Variants in CORIN observed in about 807,000 individuals in gnomAD.
CORIN encodes the protein corin, serine peptidase.
A neutral mutation model predicts 125.3 loss-of-function variants in CORIN; 117 were observed. The observed-to-expected ratio is 0.93, with a 90% CI of 0.80 to 1.09. The LOEUF is 1.09. Ranked by LOEUF, CORIN falls within the 50% of genes least tolerant of loss-of-function variation. The pLI is 0.00. For missense variants in CORIN, 1,253 were observed against 1,306.7 expected (o/e 0.96, Z 0.63); for synonymous variants, 450 against 466.4 (o/e 0.96, Z 0.45).
intron 15 of CORIN, among the ~76,000 whole-genome samples, chr4:47,642,429 G>GC (rs745867783): frequency 1.3e-5 from 2 of 152,212 alleles, no homozygotes; most frequent in Non-Finnish European, 1.5e-5. Flanking sequence ...ATACGAGAAC[G>GC]CAAGTGCGTG....
intron 3 of CORIN, among the ~76,000 whole-genome samples, chr4:47,765,267 C>T (rs1293235601): frequency 6.6e-6 from 1 of 151,258 alleles, no homozygotes; most frequent in Non-Finnish European, 1.5e-5. Flanking sequence ...GCTGAGATCG[C>T]GCCACTGCAC....
chr4:47,684,087 C>T (rs988567602), intron 6 of CORIN, among the ~76,000 whole-genome samples: 2 of 152,174 alleles, frequency 1.3e-5, no homozygotes, highest in Non-Finnish European at 2.9e-5. Flanking sequence ...TTTTATGTCA[C>T]CTGAACGATC....
At chr4:47,724,832 C>T (rs1727514123) in intron 5 of CORIN, among the ~76,000 whole-genome samples, 1 of 152,158 alleles carries the variant, frequency 6.6e-6, no homozygotes, top group Non-Finnish European at 1.5e-5. Context: ...TGAGGATATT[C>T]TACCTTTCTT....
intron 6 of CORIN, among the ~76,000 whole-genome samples, chr4:47,684,946 T>A (rs1725447000): frequency 6.6e-6 from 1 of 151,914 alleles, no homozygotes; most frequent in African/African-American, 2.4e-5. Flanking sequence ...AAAAATAAGC[T>A]AAGGCAAATT....
chr4:47,606,726 TC>T (rs1421612717), intron 19 of CORIN, among the ~76,000 whole-genome samples: 1 of 151,962 alleles, frequency 6.6e-6, no homozygotes, highest in Non-Finnish European at 1.5e-5. Flanking sequence ...TTTCCTTTTT[TC>T]CTTCTTTTCC....
intron 3 of CORIN, among the ~76,000 whole-genome samples, chr4:47,772,509 G>C (rs931421830): frequency 8.5e-5 from 13 of 152,158 alleles, no homozygotes; most frequent in Admixed American, 5.9e-4. Context: ...AGTTATGAAT[G>C]AATGATAACA....
chr4:47,766,408 C>G lies in CORIN; in HGVS notation c.410-2822G>C, dbSNP rs546712988. Among the ~76,000 whole-genome samples, 11 of 152,172 alleles carry G rather than the reference C, an allele frequency of 7.2e-5. No individual in the cohort carries two copies. The South Asian group carries it at 2.3e-3, about 32-fold the overall frequency. The stretch of plus-strand genomic sequence containing the variant: ...AGTAAAGAGGACAAAGACACACACT[C>G]TTACTATTTCTTAAGAACAGTTTCA... On this transcript the variant is annotated intron_variant, in intron 3 of 21. Coordinates refer to ENST00000273857, the MANE Select transcript of CORIN (RefSeq NM_006587.4).
chr4:47,600,613 G>A (rs1357825089), intron 20 of CORIN, among the ~76,000 whole-genome samples: 3 of 152,076 alleles, frequency 2.0e-5, no homozygotes, highest in African/African-American at 7.2e-5. Flanking sequence ...TAAGTAAGTT[G>A]GTTCATCCTT....
chr4:47,766,487 G>A (rs1368876899), intron 3 of CORIN, among the ~76,000 whole-genome samples: 1 of 152,066 alleles, frequency 6.6e-6, no homozygotes, highest in African/African-American at 2.4e-5. Flanking sequence ...TCGTCACATG[G>A]CCACATCTAG....
intron 5 of CORIN, chr4:47,706,606 G>A (rs1577847436): frequency 1.2e-6 from 2 of 1,603,462 alleles, no homozygotes; most frequent in East Asian, 4.5e-5. Context: ...TCCTAAGGGT[G>A]CAACTTACGG....
In CORIN at chr4:47,717,395, T is replaced by TTCTCAG. The variant is rs541675133; in HGVS notation, c.800-24318_800-24313dup. 1.3e-3 allele frequency among the ~76,000 whole-genome samples: 194 copies of TTCTCAG among 152,310 alleles called. 1 individual carries two copies. Among genetic ancestry groups the TTCTCAG allele is most frequent in the Middle Eastern group, 6.8e-3 (2 of 294 alleles). On this transcript the variant is annotated intron_variant, in intron 5 of 21. Transcript: ENST00000273857. ...TCAGCTTCAAAGACCTCCTCTAGTT[T>TTCTCAG]TCTCAGCTTTCATTTCCTCTGTAAC... is the stretch of plus-strand genomic sequence containing the variant.
At chr4:47,828,887 G>A (rs999162738) in intron 1 of CORIN, among the ~76,000 whole-genome samples, 3 of 151,984 alleles carry the variant, frequency 2.0e-5, no homozygotes, top group South Asian at 2.1e-4. Context: ...GGCCCGGCGC[G>A]GTGGCTCATG....
chr4:47,694,629 G>A (rs1266830714), intron 5 of CORIN, among the ~76,000 whole-genome samples: 1 of 152,242 alleles, frequency 6.6e-6, no homozygotes, highest in Middle Eastern at 3.4e-3. Flanking sequence ...TAGAAATAGA[G>A]AAAAGTACAG....
intron 18 of CORIN, 76 bp downstream of exon 18, chr4:47,623,823 A>C: frequency 6.2e-7 from 1 of 1,607,696 alleles, no homozygotes; most frequent in Non-Finnish European, 8.5e-7. Flanking sequence ...TGTCACTTAC[A>C]AGCGATCACT....
At chr4:47,773,951 A>C (rs536429241) in intron 3 of CORIN, among the ~76,000 whole-genome samples, 1 of 151,986 alleles carries the variant, frequency 6.6e-6, no homozygotes, top group South Asian at 2.1e-4. Flanking sequence ...CATTCTGTCC[A>C]TAAGATTGAT....
intron 3 of CORIN, among the ~76,000 whole-genome samples, chr4:47,785,398 C>T (rs750666908): frequency 4.6e-5 from 7 of 152,216 alleles, no homozygotes; most frequent in Admixed American, 6.5e-5. Context: ...CAACTCACCA[C>T]GCCCCATGTC....
intron 7 of CORIN, 101 bp from the exon 8 acceptor site, chr4:47,680,352 C>T (rs746410713): frequency 1.6e-4 from 120 of 738,050 alleles, no homozygotes; most frequent in Non-Finnish European, 2.4e-4. Context: ...GTTCCAATGG[C>T]TCCAATACCT....
chr4:47,647,158 T>C (rs1219955548), intron 13 of CORIN, among the ~76,000 whole-genome samples: 1 of 152,180 alleles, frequency 6.6e-6, no homozygotes, highest in African/African-American at 2.4e-5. Flanking sequence ...TGAAAAGTTC[T>C]GACAATAAGA....
intron 6 of CORIN, among the ~76,000 whole-genome samples, chr4:47,691,504 G>A (rs1238210047): frequency 4.6e-5 from 7 of 152,160 alleles, no homozygotes; most frequent in Non-Finnish European, 1.0e-4. Context: ...AACGTTTCCT[G>A]AAATATGCGT....
Sources: gnomAD v4.1 joint callset for allele counts (sites outside exome capture counted in the v4.1 genomes callset) on GRCh38, gnomAD v4.1.1 for gene constraint, MANE v1.5 for transcripts, NCBI Gene and HGNC (gene_info 2026-07-23, HGNC 2026-07-21) for gene names.